RBFOX1: variants seen among roughly 807,000 people sequenced by gnomAD.
RBFOX1 encodes RNA binding fox-1 homolog 1.
Under a neutral mutation model 57.7 loss-of-function variants are expected in RBFOX1, and 8 were observed. The observed-to-expected ratio is 0.14, with a 90% CI of 0.08 to 0.25. RBFOX1 has a LOEUF of 0.25. Ranked by LOEUF, RBFOX1 falls within the 10% of genes least tolerant of loss-of-function variation. The probability of loss-of-function intolerance (pLI) is 1.00; values close to 1 mark genes in which losing one functional copy is unlikely to be tolerated. For synonymous variants in RBFOX1, 326 were observed against 222.4 expected (o/e 1.47, Z -4.15); for missense variants, 611 against 548.5 (o/e 1.11, Z -1.14).
At chr16:5,664,183 T>C (rs2049755275) in intron 3 of RBFOX1, among the ~76,000 whole-genome samples, 1 of 152,230 alleles carries the variant, frequency 6.6e-6, no homozygotes. Context: ...ATCACATCTT[T>C]AAGGAACTGC....
chr16:7,347,944 G>T (rs1166226439), intron 4 of RBFOX1, among the ~76,000 whole-genome samples: 2 of 152,162 alleles, frequency 1.3e-5, no homozygotes, highest in African/African-American at 2.4e-5. Flanking sequence ...TCATGCTAGT[G>T]CCTTCCATGC....
intron 3 of RBFOX1, among the ~76,000 whole-genome samples, chr16:6,771,537 C>T (rs944046995): frequency 6.6e-6 from 1 of 152,202 alleles, no homozygotes; most frequent in Non-Finnish European, 1.5e-5. Flanking sequence ...CAACACACTT[C>T]TGCTCAAGTC....
chr16:6,553,412 A>G (rs2097029138), intron 2 of RBFOX1, among the ~76,000 whole-genome samples: 1 of 152,178 alleles, frequency 6.6e-6, no homozygotes, highest in African/African-American at 2.4e-5. Context: ...TAGAAAGGAG[A>G]ATGCTCTTTT....
At chr16:6,912,096 G>C (rs900742477) in intron 3 of RBFOX1, among the ~76,000 whole-genome samples, 5 of 152,110 alleles carry the variant, frequency 3.3e-5, no homozygotes, top group African/African-American at 1.2e-4. Context: ...GCTTTTTTTA[G>C]CTCTATCATT....
At chr16:5,582,491 A>G (rs1408680768) in intron 2 of RBFOX1, among the ~76,000 whole-genome samples, 1 of 151,880 alleles carries the variant, frequency 6.6e-6, no homozygotes, top group African/African-American at 2.4e-5. Flanking sequence ...CAGCCCTCCA[A>G]GGTCAAAGCC....
intron 4 of RBFOX1, among the ~76,000 whole-genome samples, chr16:7,505,905 G>T (rs1443890442): frequency 6.6e-6 from 1 of 152,108 alleles, no homozygotes; most frequent in East Asian, 1.9e-4. Flanking sequence ...TAATTTTCTG[G>T]CCAGGTGCAG....
intron 3 of RBFOX1, among the ~76,000 whole-genome samples, chr16:5,702,265 C>T (rs962058408): frequency 6.6e-6 from 1 of 152,160 alleles, no homozygotes; most frequent in Admixed American, 6.5e-5. Flanking sequence ...GAAGCAAGCC[C>T]CTTCTTCACA....
intron 3 of RBFOX1, among the ~76,000 whole-genome samples, chr16:6,814,394 T>TA (rs2089565386): frequency 6.6e-6 from 1 of 152,184 alleles, no homozygotes. Flanking sequence ...CATCCATTCT[T>TA]ACGGTAAATA....
At chr16:5,685,085 G>A (rs1037571234) in intron 3 of RBFOX1, among the ~76,000 whole-genome samples, 5 of 152,120 alleles carry the variant, frequency 3.3e-5, no homozygotes, top group African/African-American at 9.7e-5. Flanking sequence ...GGTCTCATAA[G>A]CAGACATGAA....
intron 12 of RBFOX1, among the ~76,000 whole-genome samples, chr16:7,659,304 A>T (rs948993338): frequency 6.6e-6 from 1 of 152,236 alleles, no homozygotes. Flanking sequence ...GTCCTAAAAA[A>T]GTCTCCAACA....
chr16:6,099,259 A>G (rs920406685), intron 1 of RBFOX1, among the ~76,000 whole-genome samples: 2 of 152,204 alleles, frequency 1.3e-5, no homozygotes, highest in African/African-American at 2.4e-5. Context: ...AGCCATAAAC[A>G]TTGGCCTGCT....
chr16:7,522,983 C>T (rs2077843107), intron 5 of RBFOX1, among the ~76,000 whole-genome samples: 1 of 151,470 alleles, frequency 6.6e-6, no homozygotes, highest in South Asian at 2.1e-4. Context: ...CTTTTTTGAT[C>T]CTCCCCTCCT....
rs1285133290 is a variant in RBFOX1, at chr16:6,812,347, G to C, written c.-16+157697G>C. On this transcript the variant is annotated intron_variant, in intron 3 of 15. Coordinates refer to ENST00000550418, the MANE Select transcript of RBFOX1 (RefSeq NM_018723.4). ...GAAACACAATGCAAAGTGCCAATTA[G>C]CACTGCAAAGTTTTGGTTCAGTTTC... Among the ~76,000 whole-genome samples, 5 of 152,094 alleles carry C rather than the reference G, an allele frequency of 3.3e-5. No individual in the cohort carries two copies. In the East Asian group the frequency reaches 5.8e-4, roughly 18 times the overall value.
intron 1 of RBFOX1, among the ~76,000 whole-genome samples, chr16:6,055,727 G>C (rs927197932): frequency 6.6e-6 from 1 of 152,010 alleles, no homozygotes; most frequent in Non-Finnish European, 1.5e-5. Flanking sequence ...ACTTCAGAAG[G>C]AGCGATCACC....
intron 4 of RBFOX1, among the ~76,000 whole-genome samples, chr16:7,214,076 GA>G (rs36099134): frequency 5.8e-4 from 86 of 148,388 alleles, no homozygotes; most frequent in Middle Eastern, 3.5e-3. Flanking sequence ...GCTTGCTATG[GA>G]AAAAAAAAAA....
intron 1 of RBFOX1, among the ~76,000 whole-genome samples, chr16:5,369,628 A>T (rs532513056): frequency 6.6e-6 from 1 of 152,348 alleles, no homozygotes; most frequent in East Asian, 1.9e-4. Flanking sequence ...CTCCTCTGCT[A>T]TGCTGGGCAA....
At chr16:6,828,137 T>A (rs181621308) in intron 3 of RBFOX1, among the ~76,000 whole-genome samples, 1 of 152,234 alleles carries the variant, frequency 6.6e-6, no homozygotes, top group Admixed American at 6.5e-5. Context: ...CAGGAAGCAA[T>A]TTGGCTTAAG....
At chr16:6,344,879 C>T (rs1478350591) in intron 2 of RBFOX1, among the ~76,000 whole-genome samples, 3 of 150,764 alleles carry the variant, frequency 2.0e-5, no homozygotes, top group South Asian at 2.1e-4. Flanking sequence ...TTAGTAGACA[C>T]GAGGTTTCAC....
chr16:6,785,009 G>C lies in RBFOX1; in HGVS notation c.-16+130359G>C, dbSNP rs139078356. Among the ~76,000 whole-genome samples, 753 of 152,032 alleles carry C rather than the reference G, an allele frequency of 5.0e-3. 9 individuals carry two copies. Among genetic ancestry groups the C allele is most frequent in the African/African-American group, 0.017 (715 of 41,468 alleles). ...TAAACTCATGGTTGGCATTGACATT[G>C]ATTTGTTGCACTTCTGAGTGAAAAA... On this transcript the variant is annotated intron_variant, in intron 3 of 15. Transcript: ENST00000550418.
Sources: allele counts gnomAD v4.1 joint callset (sites outside exome capture counted in the v4.1 genomes callset), GRCh38; gene constraint gnomAD v4.1.1; transcripts MANE v1.5; gene names NCBI Gene and HGNC (gene_info 2026-07-23, HGNC 2026-07-21).